Variants in SVOP observed in about 807,000 individuals in gnomAD.
SVOP encodes the protein synaptic vesicle 2-related protein.
In SVOP, 17 loss-of-function variants were observed where a neutral mutation model predicts 69.1. The observed-to-expected ratio is 0.25, with a 90% CI of 0.17 to 0.37. The LOEUF is 0.37. Among genes scored for constraint, SVOP ranks in the 10% least tolerant of loss-of-function variants. The pLI is 1.00. For missense variants in SVOP, 435 were observed against 597.5 expected (o/e 0.73, Z 2.84); for synonymous variants, 238 against 238.6 (o/e 1.00, Z 0.02).
intron 5 of SVOP, among the ~76,000 whole-genome samples, chr12:108,970,376 A>G (rs1404845269): frequency 1.3e-5 from 2 of 152,168 alleles, no homozygotes; most frequent in Non-Finnish European, 2.9e-5. Flanking sequence ...TGATAATAGC[A>G]CCTACTTCAA....
intron 11 of SVOP, among the ~76,000 whole-genome samples, chr12:108,926,244 G>C (rs2039779458): frequency 6.6e-6 from 1 of 152,116 alleles, no homozygotes; most frequent in Non-Finnish European, 1.5e-5. Flanking sequence ...ATGTTCATGA[G>C]TACCCAATGT....
At chr12:108,997,243 C>T (rs1195822695) in intron 1 of SVOP, among the ~76,000 whole-genome samples, 41 of 150,030 alleles carry the variant, frequency 2.7e-4, no homozygotes, top group African/African-American at 5.7e-4. Context: ...GAATATTGCG[C>T]TTTTCAGACC....
At chr12:108,978,790 T>C (rs2040120338) in intron 2 of SVOP, 127 bp from the exon 3 acceptor site, 1 of 575,282 alleles carries the variant, frequency 1.7e-6, no homozygotes, top group Non-Finnish European at 3.1e-6. Context: ...TTAGAACTTA[T>C]CCTAGAAAAA....
intron 1 of SVOP, among the ~76,000 whole-genome samples, chr12:108,991,964 A>G (rs1363581669): frequency 6.6e-6 from 1 of 151,944 alleles, no homozygotes; most frequent in Non-Finnish European, 1.5e-5. Context: ...AAAGAAATAA[A>G]CCAAAGTAGG....
At chr12:108,952,572 C>A (rs994514232) in intron 6 of SVOP, among the ~76,000 whole-genome samples, 17 of 152,080 alleles carry the variant, frequency 1.1e-4, no homozygotes, top group African/African-American at 3.9e-4. Flanking sequence ...TGGCCAGGCA[C>A]GGTGGCTCAC....
intron 15 of SVOP, among the ~76,000 whole-genome samples, chr12:108,914,688 C>CTG (rs2039703156): frequency 6.6e-6 from 1 of 151,742 alleles, no homozygotes; most frequent in Non-Finnish European, 1.5e-5. Context: ...TGTGCCTCAG[C>CTG]CAGAATTACA....
At chr12:108,949,500 C>T (rs547124686) in intron 6 of SVOP, among the ~76,000 whole-genome samples, 35 of 152,142 alleles carry the variant, frequency 2.3e-4, no homozygotes, top group South Asian at 4.2e-4. Context: ...GAACTCCTGA[C>T]CTCAAGTGAT....
intron 5 of SVOP, among the ~76,000 whole-genome samples, chr12:108,969,486 C>A (rs2040066269): frequency 6.6e-6 from 1 of 151,770 alleles, no homozygotes. Context: ...CGCCACCATG[C>A]CTGGCTAATT....
At chr12:108,965,787 G>A (rs2040041927) in intron 5 of SVOP, among the ~76,000 whole-genome samples, 1 of 152,114 alleles carries the variant, frequency 6.6e-6, no homozygotes, top group Non-Finnish European at 1.5e-5. Context: ...GAGGCCCAAG[G>A]ATCATCAGAG....
intron 10 of SVOP, among the ~76,000 whole-genome samples, chr12:108,934,997 A>T (rs1190832107): frequency 6.6e-6 from 1 of 152,192 alleles, no homozygotes; most frequent in Non-Finnish European, 1.5e-5. Flanking sequence ...TATTTCTTGC[A>T]TGAAATCCAA....
At chr12:108,937,711 GT>G (rs2137403799) in intron 9 of SVOP, among the ~76,000 whole-genome samples, 1 of 152,286 alleles carries the variant, frequency 6.6e-6, no homozygotes, top group South Asian at 2.1e-4. Context: ...GCCTTCCCCA[GT>G]TCTAGGTCTA....
chr12:108,951,600 C>T (rs1186625866), intron 6 of SVOP, among the ~76,000 whole-genome samples: 1 of 152,078 alleles, frequency 6.6e-6, no homozygotes, highest in Non-Finnish European at 1.5e-5. Context: ...TCTTATCTGC[C>T]TTAAAGGGTC....
At position 108,908,344 on chromosome 12, in the gene SVOP, A is replaced by C. The variant is rs2039660475; in HGVS notation, c.*4191T>G. 2.0e-5 allele frequency: 3 copies of C among 152,322 alleles called. No homozygotes were observed. Among genetic ancestry groups the C allele is most frequent in the Admixed American group, 2.0e-4 (3 of 15,284 alleles). The allele number at this position is 152,322 out of a possible 1,614,324, so 9.4% of individuals were successfully genotyped here. A position where few individuals can be genotyped will look rare whatever the true frequency, so the allele number is the denominator to read the frequency against. On this transcript the variant is annotated 3_prime_UTR_variant, in exon 16 of 16. Coordinates refer to ENST00000610966, the MANE Select transcript of SVOP (RefSeq NM_018711.5). ...TCTCTCTAAACTGTCAGAGTGAACC[A>C]TCAGCCCATCAACCAAAGCTGCACT...
intron 10 of SVOP, 112 bp downstream of exon 10, chr12:108,937,150 ATT>A: frequency 9.7e-7 from 1 of 1,033,022 alleles, no homozygotes; most frequent in South Asian, 1.3e-5. Context: ...AACTACTGAA[ATT>A]TGCAAACGCT....
At position 108,934,240 on chromosome 12, in the gene SVOP, C is replaced by T. The variant is rs1344278009; in HGVS notation, c.1003G>A (p.Val335Ile). The T allele has an allele frequency of 6.2e-7, 1 of 1,606,622 alleles. No individual in the cohort carries two copies. Among genetic ancestry groups the T allele is most frequent in the African/African-American group, 1.3e-5 (1 of 74,812 alleles). Reference protein sequence around the residue: ...FSNAFSYYGLVLLTTELFQAG... With the variant: ...FSNAFSYYGLILLTTELFQAG... ...TGGAAGAGTTCTGTGGTGAGTAGAA[C>T]TAACCCGTAGTAAGAGAATGCATTG... The change falls in exon 11 of 16, where the codon GTT becomes ATT. Residue 335 changes from valine to isoleucine, a missense_variant. By Grantham distance (29) the Val-to-Ile change is conservative. Transcript: ENST00000610966.
intron 15 of SVOP, 136 bp downstream of exon 15, chr12:108,915,647 G>T: frequency 1.2e-6 from 1 of 850,668 alleles, no homozygotes. Flanking sequence ...TATTTCTTCT[G>T]TCCTCGGGTG....
intron 11 of SVOP, among the ~76,000 whole-genome samples, chr12:108,925,157 A>G (rs535783252): frequency 2.0e-5 from 3 of 152,138 alleles, no homozygotes; most frequent in Non-Finnish European, 4.4e-5. Context: ...TGTAACTTCT[A>G]CTTTCCTAAA....
chr12:108,908,956 C>T lies in SVOP; in HGVS notation c.*3579G>A, dbSNP rs1335931666. ...CAATGGTAAATCTGCCAGGGGACTTCCTTTTCTAACCAAAACCAACAGACT... is the reference window on the plus strand; with the variant it reads ...CAATGGTAAATCTGCCAGGGGACTTTCTTTTCTAACCAAAACCAACAGACT... On this transcript the variant is annotated 3_prime_UTR_variant, in exon 16 of 16. Coordinates refer to ENST00000610966, the MANE Select transcript of SVOP (RefSeq NM_018711.5). 6.6e-6 allele frequency: 1 copy of T among 152,160 alleles called. No individual in the cohort carries two copies. The highest frequency in any genetic ancestry group is 1.9e-4 in the East Asian group (1 of 5,196). 9.4% of individuals were successfully genotyped at this position (152,160 alleles called of 1,614,324 possible). A position where few individuals can be genotyped will look rare whatever the true frequency, so the allele number is the denominator to read the frequency against.
intron 9 of SVOP, 123 bp downstream of exon 9, chr12:108,938,704 C>T: frequency 6.7e-7 from 1 of 1,502,508 alleles, no homozygotes; most frequent in South Asian, 1.3e-5. Flanking sequence ...TGCACGCACA[C>T]ACCCCACCTT....
Sources: allele counts gnomAD v4.1 joint callset (sites outside exome capture counted in the v4.1 genomes callset), GRCh38; gene constraint gnomAD v4.1.1; transcripts MANE v1.5; gene names NCBI Gene and HGNC (gene_info 2026-07-23, HGNC 2026-07-21).